The following TMEM132D variants were observed in gnomAD, a reference collection of about 807,000 sequenced individuals.
TMEM132D encodes the protein transmembrane protein 132D.
A neutral mutation model predicts 62.3 loss-of-function variants in TMEM132D; 21 were observed. The ratio of observed to expected loss-of-function variants is 0.34; its 90% CI spans 0.24 to 0.49. The LOEUF (loss-of-function observed/expected upper bound fraction) is 0.49. Ranked by LOEUF, TMEM132D falls within the 20% of genes least tolerant of loss-of-function variation. The probability of loss-of-function intolerance (pLI) is 0.99; values close to 1 mark genes in which losing one functional copy is unlikely to be tolerated. For synonymous variants in TMEM132D, 621 were observed against 575.6 expected, an observed-to-expected ratio of 1.08 and a Z score of -1.13; for missense variants, 1,346 against 1,402.8, an observed-to-expected ratio of 0.96 and a Z score of 0.65.
chr12:129,074,956 T>A lies in TMEM132D; in HGVS notation c.2219A>T (p.Glu740Val), dbSNP rs777082828. ...DFSLMATSLD[E>V]KVVSIHQDPK... ...GTCTTGGTGGATGGAGACTACCTTC[T>A]CATCCAAAGATGTGGCCATCAAGGA... is the stretch of plus-strand genomic sequence containing the variant. The change falls in exon 9 of 9, where the codon GAG becomes GTG. Residue 740 changes from glutamate to valine, a missense_variant. Glu to Val is a moderately radical substitution (Grantham distance 121). Transcript: ENST00000422113. The A allele has an allele frequency of 6.2e-7, 1 of 1,614,078 alleles. No homozygotes were observed. Among genetic ancestry groups the A allele is most frequent in the South Asian group, 1.1e-5 (1 of 91,072 alleles).
rs769794843 is a variant in TMEM132D, at chr12:129,358,406, C to T, written c.1116-20589G>A. ...TGGTGGCCTGGGACTGGCTCCTGGGCGCTGATTCTGCACTCTCTCTACAGC... is the reference window on the plus strand; with the variant it reads ...TGGTGGCCTGGGACTGGCTCCTGGGTGCTGATTCTGCACTCTCTCTACAGC... On this transcript the variant is annotated intron_variant, in intron 3 of 8. Transcript: ENST00000422113. Among the ~76,000 whole-genome samples the T allele has an allele frequency of 4.4e-4, 67 of 152,184 alleles. 2 individuals carry two copies. Among genetic ancestry groups the T allele is most frequent in the Admixed American group, 8.5e-4 (13 of 15,280 alleles).
At chr12:129,186,578 C>G (rs992761921) in intron 5 of TMEM132D, among the ~76,000 whole-genome samples, 8 of 152,186 alleles carry the variant, frequency 5.3e-5, no homozygotes, top group East Asian at 1.9e-4. Context: ...ACGGGCAACC[C>G]TGTGAATCCT....
chr12:129,464,978 C>G (rs10773667), intron 3 of TMEM132D, among the ~76,000 whole-genome samples: 31,722 of 99,152 alleles, frequency 0.32, 3,675 homozygotes, highest in South Asian at 0.47. Context: ...TCCATATGAA[C>G]TTTAAAGTAG....
chr12:129,139,132 G>T (rs1489252446), intron 5 of TMEM132D, among the ~76,000 whole-genome samples: 1 of 152,160 alleles, frequency 6.6e-6, no homozygotes, highest in East Asian at 1.9e-4. Context: ...AAACAGAGAG[G>T]GGAGAAAAGT....
At chr12:129,510,273 G>A (rs769234698) in intron 3 of TMEM132D, among the ~76,000 whole-genome samples, 1 of 152,148 alleles carries the variant, frequency 6.6e-6, no homozygotes, top group East Asian at 1.9e-4. Flanking sequence ...CTTGAGAAAT[G>A]TCTATTCAGG....
chr12:129,087,455 T>A (rs1184445336), intron 5 of TMEM132D, among the ~76,000 whole-genome samples: 1 of 150,244 alleles, frequency 6.7e-6, no homozygotes, highest in Non-Finnish European at 1.5e-5. Flanking sequence ...AGGGAGAGCA[T>A]CCTAGATTAC....
At chr12:129,309,182 T>C (rs762542728) in intron 4 of TMEM132D, among the ~76,000 whole-genome samples, 2 of 152,234 alleles carry the variant, frequency 1.3e-5, no homozygotes, top group African/African-American at 2.4e-5. Flanking sequence ...GAATAACTTC[T>C]TTAAATAGGT....
chr12:129,094,038 G>A (rs571498319), intron 5 of TMEM132D, among the ~76,000 whole-genome samples: 63 of 151,816 alleles, frequency 4.1e-4, no homozygotes, highest in Non-Finnish European at 2.5e-4. Context: ...ATTCAAGATG[G>A]ATTAAAGACT....
At chr12:129,478,471 C>T (rs1874334178) in intron 3 of TMEM132D, among the ~76,000 whole-genome samples, 1 of 152,162 alleles carries the variant, frequency 6.6e-6, no homozygotes, top group Non-Finnish European at 1.5e-5. Flanking sequence ...TGCATGACTA[C>T]ATATGTAGAC....
intron 5 of TMEM132D, among the ~76,000 whole-genome samples, chr12:129,188,189 C>T: frequency 6.6e-6 from 1 of 152,186 alleles, no homozygotes; most frequent in Non-Finnish European, 1.5e-5. Context: ...TGTGTCAGCC[C>T]TGAGACAAGG....
intron 4 of TMEM132D, among the ~76,000 whole-genome samples, chr12:129,222,514 C>A (rs1174795934): frequency 1.3e-5 from 2 of 152,160 alleles, no homozygotes; most frequent in Non-Finnish European, 2.9e-5. Context: ...ACTTTAGCTA[C>A]TGATTTCCTG....
At chr12:129,725,185 T>C (rs1350368220) in intron 1 of TMEM132D, among the ~76,000 whole-genome samples, 2 of 152,192 alleles carry the variant, frequency 1.3e-5, no homozygotes, top group Non-Finnish European at 2.9e-5. Context: ...GGCTTTTCAT[T>C]TACTGTGGTG....
chr12:129,141,742 T>G (rs143194229), intron 5 of TMEM132D, among the ~76,000 whole-genome samples: 1 of 151,956 alleles, frequency 6.6e-6, no homozygotes, highest in Non-Finnish European at 1.5e-5. Context: ...AAGTTAGAAA[T>G]GACAGACACT....
rs1256699165 is a variant in TMEM132D, at chr12:129,827,161, C to G, written c.79+76100G>C. Among the ~76,000 whole-genome samples, 2 of 152,166 alleles carry G rather than the reference C, an allele frequency of 1.3e-5. No individual in the cohort carries two copies. Among genetic ancestry groups the G allele is most frequent in the Admixed American group, 1.3e-4 (2 of 15,274 alleles). On this transcript the variant is annotated intron_variant, in intron 1 of 8. Coordinates refer to ENST00000422113, the MANE Select transcript of TMEM132D (RefSeq NM_133448.3). The surrounding 1 kb of genome is among the most constrained non-coding windows in gnomAD (Gnocchi z 9.7). ...TAGCAATTAATAATTAAGCGCGTCT[C>G]TATATTTGATCTTCTGCTAAGCTCT...
At chr12:129,614,730 C>A (rs1878869518) in intron 2 of TMEM132D, among the ~76,000 whole-genome samples, 1 of 152,148 alleles carries the variant, frequency 6.6e-6, no homozygotes, top group Non-Finnish European at 1.5e-5. Context: ...CACACACGCC[C>A]CGCCTAACCA....
chr12:129,567,676 T>C (rs1004263398), intron 2 of TMEM132D, among the ~76,000 whole-genome samples: 1 of 152,204 alleles, frequency 6.6e-6, no homozygotes, highest in African/African-American at 2.4e-5. Context: ...TTGGGGGGGA[T>C]ATAATTGTTT....
In TMEM132D at chr12:129,271,430, A is replaced by G. The variant is rs575377434; in HGVS notation, c.1300-61767T>C. Among the ~76,000 whole-genome samples the G allele has an allele frequency of 3.0e-4, 45 of 151,726 alleles. 1 individual carries two copies. Among genetic ancestry groups the G allele is most frequent in the African/African-American group, 1.1e-3 (45 of 41,116 alleles). On this transcript the variant is annotated intron_variant, in intron 4 of 8. Transcript: ENST00000422113. ...AATTTTACTTTGAGTTCTGGGACAC[A>G]TGTGCAGAACATGCAGGTTTGTTAC...
intron 1 of TMEM132D, among the ~76,000 whole-genome samples, chr12:129,895,955 CT>C (rs767450935): frequency 5.7e-3 from 239 of 42,224 alleles, no homozygotes; most frequent in Non-Finnish European, 0.016. Context: ...TTTGATTTCT[CT>C]GTCTCTCTTT....
At chr12:129,100,684 A>G (rs1304865897) in intron 5 of TMEM132D, among the ~76,000 whole-genome samples, 1 of 152,208 alleles carries the variant, frequency 6.6e-6, no homozygotes, top group African/African-American at 2.4e-5. Context: ...CTTACAGATG[A>G]GGCAGCTGAG....
Sources: allele counts gnomAD v4.1 joint callset (sites outside exome capture counted in the v4.1 genomes callset), GRCh38; gene constraint gnomAD v4.1.1; non-coding constraint Gnocchi (gnomAD v3.1); transcripts MANE v1.5; gene names NCBI Gene and HGNC (gene_info 2026-07-23, HGNC 2026-07-21).